The following MRPL15 variants were observed in gnomAD, a reference collection of about 807,000 sequenced individuals.
The protein encoded by MRPL15 is large ribosomal subunit protein uL15m.
Under a neutral mutation model 28.0 loss-of-function variants are expected in MRPL15, and 24 were observed. The observed-to-expected ratio is 0.86, with a 90% CI of 0.62 to 1.21. The LOEUF is 1.21. MRPL15 is among the 50% of genes most tolerant of loss of function. MRPL15 has a pLI of 0.00. For missense variants in MRPL15, 343 were observed against 372.4 expected, an observed-to-expected ratio of 0.92 and a Z score of 0.65; for synonymous variants, 124 against 137.0, an observed-to-expected ratio of 0.90 and a Z score of 0.66.
At chr8:54,141,318 T>C (rs975709526) in intron 3 of MRPL15, among the ~76,000 whole-genome samples, 1 of 152,182 alleles carries the variant, frequency 6.6e-6, no homozygotes, top group Non-Finnish European at 1.5e-5. Flanking sequence ...TGAAAGTTGG[T>C]ATTTCCATTT....
intron 4 of MRPL15, 92 bp from the exon 5 acceptor site, chr8:54,147,290 C>CAGAGTTACATCTCTATGTT: frequency 8.6e-6 from 8 of 927,926 alleles, no homozygotes; most frequent in Non-Finnish European, 9.5e-6. Flanking sequence ...CTCTATGGTA[C>CAGAGTTACATCTCTATGTT]AGAGTTACAT....
At chr8:54,143,609 C>T (rs572715232) in intron 4 of MRPL15, among the ~76,000 whole-genome samples, 1 of 152,310 alleles carries the variant, frequency 6.6e-6, no homozygotes, top group South Asian at 2.1e-4. Context: ...GGTTGCCTCT[C>T]TGTTTTGCTT....
At chr8:54,139,541 T>C (rs1446120240) in intron 3 of MRPL15, among the ~76,000 whole-genome samples, 1 of 152,202 alleles carries the variant, frequency 6.6e-6, no homozygotes, top group Admixed American at 6.5e-5. Context: ...ACTTAACATA[T>C]GGAAATCCAT....
intron 3 of MRPL15, among the ~76,000 whole-genome samples, chr8:54,141,884 G>C (rs1348345600): frequency 2.3e-5 from 3 of 129,514 alleles, no homozygotes; most frequent in Non-Finnish European, 4.7e-5. Flanking sequence ...ATGGAGTCTT[G>C]CTCTGTCTCC....
intron 1 of MRPL15, 116 bp from the exon 2 acceptor site, chr8:54,136,395 G>C: frequency 3.6e-6 from 4 of 1,106,270 alleles, no homozygotes; most frequent in South Asian, 1.6e-5. Context: ...TGACACAATA[G>C]TGTTAGCTAG....
At chr8:54,141,624 C>T (rs1373556626) in intron 3 of MRPL15, among the ~76,000 whole-genome samples, 1 of 152,096 alleles carries the variant, frequency 6.6e-6, no homozygotes, top group African/African-American at 2.4e-5. Flanking sequence ...TCCATGACCG[C>T]CTCCTCTCAC....
At chr8:54,140,059 TTAA>T (rs1810893008) in intron 3 of MRPL15, among the ~76,000 whole-genome samples, 1 of 152,088 alleles carries the variant, frequency 6.6e-6, no homozygotes, top group African/African-American at 2.4e-5. Context: ...ACATGAAAAA[TTAA>T]TAATAGAAGG....
At chr8:54,141,623 G>A (rs1810927805) in intron 3 of MRPL15, among the ~76,000 whole-genome samples, 2 of 152,062 alleles carry the variant, frequency 1.3e-5, no homozygotes, top group Non-Finnish European at 2.9e-5. Flanking sequence ...TTCCATGACC[G>A]CCTCCTCTCA....
chr8:54,135,329 C>G lies in MRPL15; in HGVS notation c.46C>G (p.Leu16Val), dbSNP rs749830784. The G allele has an allele frequency of 2.7e-6, 4 of 1,492,400 alleles. No individual in the cohort carries two copies. Among genetic ancestry groups the G allele is most frequent in the Admixed American group, 2.3e-5 (1 of 43,848 alleles). The allele number at this position is 1,492,400 out of a possible 1,614,324, so 92.4% of individuals were successfully genotyped here. The stretch of plus-strand genomic sequence containing the variant: ...CGGTGGGGCCCGGGCCCTGGACCTA[C>G]TCCGGGGCCTGCCGCGTGTGAGCCT... ...QGGGARALDL[L>V]RGLPRVSLAN... The change falls in exon 1 of 5, where the codon CTC (leucine) becomes GTC (valine). Residue 16 changes from leucine (L) to valine (V), a missense_variant. By Grantham distance (32) the Leu-to-Val change is conservative. Coordinates refer to ENST00000260102, the MANE Select transcript of MRPL15 (RefSeq NM_014175.4).
In MRPL15 at chr8:54,142,556, G is replaced by A. The variant is rs565830281; in HGVS notation, c.430-107G>A. 8.2e-6 allele frequency: 11 copies of A among 1,334,896 alleles called. No individual in the cohort carries two copies. The African/African-American group carries it at 1.0e-4, about 12-fold the overall frequency. 82.7% of individuals were successfully genotyped at this position (1,334,896 alleles called of 1,614,324 possible). A position where few individuals can be genotyped will look rare whatever the true frequency, so the allele number is the denominator to read the frequency against. The stretch of plus-strand genomic sequence containing the variant: ...TATGGAGGACTAACTGTATTGTTAT[G>A]TTATAGGCACTTTGGAGGGAAAAAC... On this transcript the variant is annotated intron_variant, in intron 3 of 4. Coordinates refer to ENST00000260102, the MANE Select transcript of MRPL15 (RefSeq NM_014175.4).
At chr8:54,138,189 C>T (rs1322709776) in intron 3 of MRPL15, among the ~76,000 whole-genome samples, 8 of 150,376 alleles carry the variant, frequency 5.3e-5, no homozygotes, top group Non-Finnish European at 7.4e-5. Flanking sequence ...CACCTGACCT[C>T]GTGATCCACC....
chr8:54,135,523 G>C (rs1810812831), intron 1 of MRPL15, 132 bp downstream of exon 1: 1 of 546,530 alleles, frequency 1.8e-6, no homozygotes, highest in South Asian at 3.6e-5. Flanking sequence ...CCTCATGCCT[G>C]TTCTCCCTTA....
Position 54,147,424 on chromosome 8 carries a change from C to T in MRPL15, c.596C>T (p.Pro199Leu), listed in dbSNP as rs776941686. 3.1e-6 allele frequency: 5 copies of T among 1,613,550 alleles called. No individual in the cohort carries two copies. The Admixed American group carries it at 6.7e-5, about 22-fold the overall frequency. Residue 199 changes from proline to leucine, a missense_variant, in exon 5 of 5, where the codon CCC (proline) becomes CTC (leucine). Pro to Leu is a moderately conservative substitution (Grantham distance 98). Transcript: ENST00000260102. ...KPVPFFLRGQ[P>L]IPKRMLPPEE... is the part of the protein sequence containing the mutation. The stretch of plus-strand genomic sequence containing the variant: ...GTTCCATTCTTTCTTCGTGGACAAC[C>T]CATTCCAAAAAGAATGCTTCCACCA...
At chr8:54,142,605 A>G in intron 3 of MRPL15, 58 bp from the exon 4 acceptor site, 2 of 1,583,818 alleles carry the variant, frequency 1.3e-6, no homozygotes, top group South Asian at 1.2e-5. Flanking sequence ...GAAGCTTGAC[A>G]TAATTAATTT....
rs766588960 is a variant in MRPL15 at position 54,147,688 on chromosome 8, A to T, written c.860A>T (p.Asp287Val). The T allele has an allele frequency of 6.2e-7, 1 of 1,613,488 alleles. No individual in the cohort carries two copies. The highest frequency in any genetic ancestry group is 2.2e-5 in the East Asian group (1 of 44,896). Residue 287 changes from aspartate to valine, a missense_variant, in exon 5 of 5, where the codon GAT becomes GTT. By Grantham distance (152) the Asp-to-Val change is radical. Coordinates refer to ENST00000260102, the MANE Select transcript of MRPL15 (RefSeq NM_014175.4). The part of the protein sequence containing the change: ...MADKKILKPT[D>V]ENLLKYYTS ...GATAAGAAAATCCTAAAACCTACAG[A>T]TGAAAATCTCCTTAAGTATTATACC...
chr8:54,143,524 C>T (rs1810968670), intron 4 of MRPL15, among the ~76,000 whole-genome samples: 1 of 152,190 alleles, frequency 6.6e-6, no homozygotes, highest in Non-Finnish European at 1.5e-5. Context: ...ACTGTGTCCA[C>T]ATTTGACCAC....
chr8:54,139,094 G>A (rs758603533), intron 3 of MRPL15, among the ~76,000 whole-genome samples: 1 of 152,014 alleles, frequency 6.6e-6, no homozygotes, highest in Non-Finnish European at 1.5e-5. Context: ...CCACCTCCCG[G>A]GTTCAAGCGA....
In MRPL15 at chr8:54,145,027, A is replaced by G. The variant is rs571951063; in HGVS notation, c.553+2241A>G. On this transcript the variant is annotated intron_variant, in intron 4 of 4. Coordinates refer to ENST00000260102, the MANE Select transcript of MRPL15 (RefSeq NM_014175.4). ...TCTCTAGCCAGATGCCCTCTGCCAC[A>G]CTGAGCTGGCATCTTCAGAGGCACC... is the stretch of plus-strand genomic sequence containing the variant. 3.4e-4 allele frequency among the ~76,000 whole-genome samples: 52 copies of G among 152,258 alleles called. No homozygotes were observed. The Middle Eastern group carries it at 0.01, about 30-fold the overall frequency.
rs1811058606 is a variant in MRPL15, at chr8:54,147,249, A to T, written c.554-133A>T. 3 of 691,486 alleles carry T rather than the reference A, an allele frequency of 4.3e-6. 1 individual carries two copies. The highest frequency in any genetic ancestry group is 6.6e-5 in the South Asian group (2 of 30,470). The allele number at this position is 691,486 out of a possible 1,614,324, so 42.8% of individuals were successfully genotyped here. A position where few individuals can be genotyped will look rare whatever the true frequency, so the allele number is the denominator to read the frequency against. ...CTGCGTCTCAAAAAAAAAATAATAA[A>T]AATTAATAATCAAGAGAAACTCTGT... is the stretch of plus-strand genomic sequence containing the variant. On this transcript the variant is annotated intron_variant, in intron 4 of 4. Coordinates refer to ENST00000260102, the MANE Select transcript of MRPL15 (RefSeq NM_014175.4).
Sources: gnomAD v4.1 joint callset for allele counts (sites outside exome capture counted in the v4.1 genomes callset) on GRCh38, gnomAD v4.1.1 for gene constraint, MANE v1.5 for transcripts, NCBI Gene and HGNC (gene_info 2026-07-23, HGNC 2026-07-21) for gene names.